The following BCL7C variants were observed in gnomAD, a reference collection of about 807,000 sequenced individuals.
BCL7C encodes the protein BAF chromatin remodeling complex subunit BCL7C.
BCL7C carries 8 observed loss-of-function variants against 26.2 expected under a neutral mutation model. That is an observed-to-expected ratio of 0.30 (90% CI 0.18 to 0.55). The LOEUF is 0.55. Ranked by LOEUF, BCL7C falls within the 20% of genes least tolerant of loss-of-function variation. The pLI is 0.93. For missense variants in BCL7C, 262 were observed against 298.5 expected (o/e 0.88, Z 0.90); for synonymous variants, 90 against 116.5 (o/e 0.77, Z 1.47).
intron 5 of BCL7C, among the ~76,000 whole-genome samples, chr16:30,836,208 C>T (rs894510212): frequency 6.6e-6 from 1 of 152,138 alleles, no homozygotes; most frequent in Non-Finnish European, 1.5e-5. Context: ...GAACCAAGAT[C>T]GCATCACTGC....
chr16:30,852,709 C>A (rs2054686509), intron 5 of BCL7C, among the ~76,000 whole-genome samples: 1 of 151,866 alleles, frequency 6.6e-6, no homozygotes, highest in Non-Finnish European at 1.5e-5. Context: ...TCGGGCTGGT[C>A]TCAAACTCCT....
chr16:30,854,279 T>C (rs557564973), intron 5 of BCL7C, among the ~76,000 whole-genome samples: 1 of 152,306 alleles, frequency 6.6e-6, no homozygotes, highest in East Asian at 1.9e-4. Context: ...AAAAATATAT[T>C]ATTCTCCAAA....
At chr16:30,881,669 T>C (rs566935211) in intron 5 of BCL7C, among the ~76,000 whole-genome samples, 2 of 152,182 alleles carry the variant, frequency 1.3e-5, no homozygotes, top group South Asian at 4.1e-4. Context: ...CTGAACTCAC[T>C]CCCCTGCCCC....
intron 4 of BCL7C, among the ~76,000 whole-genome samples, chr16:30,891,041 T>G (rs2055219784): frequency 6.6e-6 from 1 of 151,426 alleles, no homozygotes. Context: ...CATGGTGGCA[T>G]GCCTGTAATC....
intron 5 of BCL7C, among the ~76,000 whole-genome samples, chr16:30,858,633 T>C (rs1339673151): frequency 6.6e-6 from 1 of 152,200 alleles, no homozygotes; most frequent in African/African-American, 2.4e-5. Flanking sequence ...TATTTGGTAG[T>C]TGGCACAGTC....
At chr16:30,877,057 C>T (rs2054960559) in intron 5 of BCL7C, among the ~76,000 whole-genome samples, 3 of 152,092 alleles carry the variant, frequency 2.0e-5, no homozygotes, top group African/African-American at 7.3e-5. Context: ...CAGCCATTAG[C>T]CTGGAGGCCA....
chr16:30,841,988 C>G (rs1596810423), intron 5 of BCL7C, among the ~76,000 whole-genome samples: 1 of 92,284 alleles, frequency 1.1e-5, no homozygotes. Context: ...GCTCAGGGCC[C>G]TTGTCCACCA....
Position 30,892,632 on chromosome 16 carries a change from T to C in BCL7C, c.396A>G (p.Glu132=). Reference sequence around the variant, plus strand: ...GGGGCTGAGCCTCCTCAGGGACCCCTTCTGGGGGTCCGGCAGGTGACACAG... The same window carrying C: ...GGGGCTGAGCCTCCTCAGGGACCCCCTCTGGGGGTCCGGCAGGTGACACAG... ...SRPVSPAGPP[E]GVPEEAQPPR... is the part of the protein sequence containing the mutation. Residue 132 remains glutamate, a synonymous_variant, in exon 4 of 6, where the codon GAA becomes GAG. Transcript: ENST00000215115. The C allele has an allele frequency of 6.2e-7, 1 of 1,610,368 alleles. No individual in the cohort carries two copies. Among genetic ancestry groups the C allele is most frequent in the Non-Finnish European group, 8.5e-7 (1 of 1,178,378 alleles).
At chr16:30,874,925 C>G (rs529668205) in intron 5 of BCL7C, among the ~76,000 whole-genome samples, 3 of 152,242 alleles carry the variant, frequency 2.0e-5, no homozygotes, top group African/African-American at 4.8e-5. Flanking sequence ...CTCGGGCGCC[C>G]GCTCTTGCAG....
At chr16:30,851,363 C>T (rs914571581) in intron 5 of BCL7C, 2 of 185,770 alleles carry the variant, frequency 1.1e-5, no homozygotes, top group Admixed American at 1.2e-4. Flanking sequence ...GCCTCAGCCT[C>T]TCGAGTAGCT....
chr16:30,883,602 C>T (rs2055077053), downstream of BCL7C, among the ~76,000 whole-genome samples: 2 of 143,936 alleles, frequency 1.4e-5, no homozygotes, highest in African/African-American at 2.6e-5. Flanking sequence ...AGGCAACCTC[C>T]GCCTCCCACG....
At chr16:30,879,700 A>AAAAC (rs1555482422) in intron 5 of BCL7C, among the ~76,000 whole-genome samples, 1 of 135,004 alleles carries the variant, frequency 7.4e-6, no homozygotes, top group Non-Finnish European at 1.7e-5. Context: ...AAAAAAAAAA[A>AAAAC]AAAAAAAAAC....
chr16:30,847,966 T>A (rs1197768500), intron 5 of BCL7C, among the ~76,000 whole-genome samples: 1 of 151,840 alleles, frequency 6.6e-6, no homozygotes, highest in Non-Finnish European at 1.5e-5. Flanking sequence ...CTAAGGATGT[T>A]AGACCAGTGA....
At chr16:30,848,022 G>A (rs2054646874) in intron 5 of BCL7C, among the ~76,000 whole-genome samples, 1 of 151,932 alleles carries the variant, frequency 6.6e-6, no homozygotes, top group Non-Finnish European at 1.5e-5. Context: ...TGATGTGGGT[G>A]CATGTGCTAG....
chr16:30,845,356 T>G (rs2054627535), intron 5 of BCL7C, among the ~76,000 whole-genome samples: 1 of 152,226 alleles, frequency 6.6e-6, no homozygotes, highest in Non-Finnish European at 1.5e-5. Flanking sequence ...CCTCAGGCAC[T>G]GGGCTCTCGC....
At chr16:30,861,612 C>T (rs1415034011) in intron 5 of BCL7C, among the ~76,000 whole-genome samples, 9 of 152,184 alleles carry the variant, frequency 5.9e-5, no homozygotes, top group Admixed American at 5.9e-4. Context: ...CCCAGATCTT[C>T]CCGGCTTAGT....
chr16:30,873,251 C>T (rs1160835127), intron 5 of BCL7C, among the ~76,000 whole-genome samples: 1 of 151,876 alleles, frequency 6.6e-6, no homozygotes, highest in Non-Finnish European at 1.5e-5. Context: ...TTAAAAACAA[C>T]AACAAAAAGG....
chr16:30,865,983 C>T (rs963944973), intron 5 of BCL7C, among the ~76,000 whole-genome samples: 1 of 151,516 alleles, frequency 6.6e-6, no homozygotes, highest in Non-Finnish European at 1.5e-5. Flanking sequence ...GATCCATCTG[C>T]CTCAGCCTCC....
downstream of BCL7C, among the ~76,000 whole-genome samples, chr16:30,884,614 A>G (rs796483875): frequency 7.4e-5 from 11 of 149,094 alleles, no homozygotes; most frequent in African/African-American, 2.5e-4. Flanking sequence ...CTCCTGCCTC[A>G]GTCTCCTGAG....
Sources: gnomAD v4.1 joint callset for allele counts (sites outside exome capture counted in the v4.1 genomes callset) on GRCh38, gnomAD v4.1.1 for gene constraint, MANE v1.5 for transcripts, NCBI Gene and HGNC (gene_info 2026-07-23, HGNC 2026-07-21) for gene names.